The following HEG1 variants were observed in gnomAD, a reference collection of about 807,000 sequenced individuals.
HEG1 encodes protein HEG homolog 1.
A neutral mutation model predicts 125.6 loss-of-function variants in HEG1; 56 were observed. That is an observed-to-expected ratio of 0.45 (90% CI 0.36 to 0.56). The LOEUF is 0.56. HEG1 is among the 20% of genes least tolerant of loss of function. The pLI is 0.00. For missense variants in HEG1, 1,523 were observed against 1,670.0 expected (o/e 0.91, Z 1.53); for synonymous variants, 644 against 668.5 (o/e 0.96, Z 0.57).
chr3:125,014,384 A>G (rs1481860236), intron 5 of HEG1, among the ~76,000 whole-genome samples: 4 of 152,248 alleles, frequency 2.6e-5, no homozygotes, highest in African/African-American at 9.6e-5. Flanking sequence ...AAATGAAAAA[A>G]GGAAAATCTT....
intron 1 of HEG1, among the ~76,000 whole-genome samples, chr3:125,030,518 G>C (rs1055990828): frequency 5.3e-5 from 8 of 152,162 alleles, no homozygotes; most frequent in Non-Finnish European, 1.2e-4. Flanking sequence ...AAAACTATGT[G>C]GTCACTGAAT....
At chr3:125,033,111 T>C (rs538423313) in intron 1 of HEG1, among the ~76,000 whole-genome samples, 1 of 152,316 alleles carries the variant, frequency 6.6e-6, no homozygotes, top group South Asian at 2.1e-4. Context: ...GTATCCTCCA[T>C]AACCCTGCCA....
intron 12 of HEG1, among the ~76,000 whole-genome samples, chr3:124,996,312 G>A (rs950332154): frequency 2.0e-5 from 3 of 151,984 alleles, no homozygotes; most frequent in South Asian, 2.1e-4. Context: ...TCCAACTCCC[G>A]ATCTCAGGTG....
At chr3:125,031,284 G>T (rs11718586) in intron 1 of HEG1, among the ~76,000 whole-genome samples, 33 of 152,032 alleles carry the variant, frequency 2.2e-4, no homozygotes, top group Non-Finnish European at 3.5e-4. Flanking sequence ...GTCACTGCTG[G>T]GTGCCAGGCC....
intron 13 of HEG1, 39 bp downstream of exon 13, chr3:124,990,905 A>G: frequency 6.4e-7 from 1 of 1,553,908 alleles, no homozygotes; most frequent in Non-Finnish European, 8.7e-7. Context: ...TCTAAATAAG[A>G]TTTGTAACAA....
At chr3:124,982,696 G>C (rs1419308954) in intron 14 of HEG1, among the ~76,000 whole-genome samples, 1 of 152,140 alleles carries the variant, frequency 6.6e-6, no homozygotes, top group Non-Finnish European at 1.5e-5. Context: ...ATTTGGATGG[G>C]ATCTACTGGA....
At chr3:124,978,348 C>T (rs1046845400) in intron 14 of HEG1, among the ~76,000 whole-genome samples, 2 of 152,090 alleles carry the variant, frequency 1.3e-5, no homozygotes, top group Non-Finnish European at 2.9e-5. Context: ...AGGGTTTCAC[C>T]GTGTTAGCCA....
intron 3 of HEG1, among the ~76,000 whole-genome samples, chr3:125,025,769 C>A (rs1055744841): frequency 1.3e-5 from 2 of 152,182 alleles, no homozygotes; most frequent in African/African-American, 2.4e-5. Flanking sequence ...AACCACAGAA[C>A]TTTGAGGCTG....
intron 1 of HEG1, 62 bp from the exon 2 acceptor site, chr3:125,029,550 T>G: frequency 6.7e-7 from 1 of 1,488,068 alleles, no homozygotes. Context: ...AAAGTAAACC[T>G]TCAGAAAAGA....
intron 8 of HEG1, among the ~76,000 whole-genome samples, chr3:125,007,148 G>A (rs1480977603): frequency 7.1e-6 from 1 of 140,986 alleles, no homozygotes; most frequent in African/African-American, 2.7e-5. Flanking sequence ...GCAGTGAGCC[G>A]AGATCCCGCC....
At chr3:125,015,873 C>T (rs1426082835) in intron 5 of HEG1, among the ~76,000 whole-genome samples, 1 of 152,152 alleles carries the variant, frequency 6.6e-6, no homozygotes, top group Non-Finnish European at 1.5e-5. Context: ...GTCAGTACGC[C>T]ATGGCCATGC....
intron 14 of HEG1, among the ~76,000 whole-genome samples, chr3:124,990,341 GTTT>G (rs67222660): frequency 7.0e-6 from 1 of 143,346 alleles, no homozygotes; most frequent in Non-Finnish European, 1.5e-5. Flanking sequence ...TGTTTTTTGG[GTTT>G]TTTTTTTTTT....
At chr3:124,973,624 CTT>C in intron 16 of HEG1, 105 bp downstream of exon 16, 1 of 848,776 alleles carries the variant, frequency 1.2e-6, no homozygotes, top group Non-Finnish European at 1.8e-6. Context: ...TGCCACTACT[CTT>C]TAACCCTTAA....
chr3:125,055,737 G>A lies in HEG1; in HGVS notation c.154C>T (p.Leu52=). 2 of 1,034,232 alleles carry A rather than the reference G, an allele frequency of 1.9e-6. No individual in the cohort carries two copies. The highest frequency in any genetic ancestry group is 2.3e-6 in the Non-Finnish European group (2 of 863,694). 64.1% of individuals were successfully genotyped at this position (1,034,232 alleles called of 1,614,324 possible). The change falls in exon 1 of 17, where the codon CTG becomes TTG. Residue 52 remains leucine (L), a synonymous_variant. Transcript: ENST00000311127. ...GGGCGGCGCTCCAGCTGCAGCTCCA[G>A]CCCCGCTCCCGCGAGGGGCGCCAGG... is the stretch of plus-strand genomic sequence containing the variant. The part of the protein sequence containing the change: ...LSLAPLAGAG[L]ELQLERRPER...
chr3:125,021,124 T>G lies in HEG1; in HGVS notation c.920A>C (p.Glu307Ala), dbSNP rs1341372445. The G allele has an allele frequency of 6.4e-7, 1 of 1,555,642 alleles. No individual in the cohort carries two copies. Among genetic ancestry groups the G allele is most frequent in the East Asian group, 2.4e-5 (1 of 42,372 alleles). The change falls in exon 4 of 17, where the codon GAA (glutamate) becomes GCA (alanine). Residue 307 changes from glutamate to alanine, a missense_variant. Coordinates refer to ENST00000311127, the MANE Select transcript of HEG1 (RefSeq NM_020733.2). ...GGAGTTGTTAAGCTTCTCTGTACTT[T>G]CAGAAGCTACAATGGAAAAAGATAT... ...SPLLDLSSSSESTEKLNNSTG... is the reference protein window; with the variant it reads ...SPLLDLSSSSASTEKLNNSTG...
chr3:124,988,216 C>T (rs1303166548), intron 14 of HEG1, among the ~76,000 whole-genome samples: 1 of 151,770 alleles, frequency 6.6e-6, no homozygotes, highest in Non-Finnish European at 1.5e-5. Flanking sequence ...GACCAGGCAG[C>T]CCCTTTAAGG....
intron 1 of HEG1, among the ~76,000 whole-genome samples, chr3:125,052,281 C>G (rs570773542): frequency 3.3e-5 from 5 of 152,312 alleles, no homozygotes; most frequent in African/African-American, 1.2e-4. Context: ...GAGGGGCTGT[C>G]TCTTGCCCGC....
chr3:125,002,801 T>TA lies in HEG1; in HGVS notation c.3298-487dup, dbSNP rs1440583536. ...TTCAAAAAGGCTCTCCGTGAGAAAT[T>TA]ACATTATGTGGGTCAAGAGCCCCTT... On this transcript the variant is annotated intron_variant, in intron 9 of 16. Transcript: ENST00000311127. Among the ~76,000 whole-genome samples, 4 of 152,334 alleles carry TA rather than the reference T, an allele frequency of 2.6e-5. No homozygotes were observed. In the East Asian group the frequency reaches 7.7e-4, roughly 29 times the overall value.
intron 12 of HEG1, 107 bp downstream of exon 12, chr3:124,997,582 A>C: frequency 9.2e-7 from 1 of 1,087,712 alleles, no homozygotes; most frequent in Non-Finnish European, 1.2e-6. Flanking sequence ...CCCTCAGTTT[A>C]GAATGGTCAC....
Sources: gnomAD v4.1 joint callset for allele counts (sites outside exome capture counted in the v4.1 genomes callset) on GRCh38, gnomAD v4.1.1 for gene constraint, MANE v1.5 for transcripts, NCBI Gene and HGNC (gene_info 2026-07-23, HGNC 2026-07-21) for gene names.